MICAL3: variants seen among roughly 807,000 people sequenced by gnomAD.
MICAL3 encodes the protein [F-actin]-monooxygenase MICAL3.
MICAL3 carries 62 observed loss-of-function variants against 207.4 expected under a neutral mutation model. The ratio of observed to expected loss-of-function variants is 0.30; its 90% CI spans 0.24 to 0.37. MICAL3 has a LOEUF of 0.37. MICAL3 is among the 10% of genes least tolerant of loss of function. The pLI is 1.00. For missense variants in MICAL3, 2,368 were observed against 2,635.6 expected (o/e 0.90, Z 2.22); for synonymous variants, 1,077 against 1,069.3 (o/e 1.01, Z -0.14).
chr22:18,004,073 G>T (rs1291536827), intron 1 of MICAL3, among the ~76,000 whole-genome samples: 3 of 150,796 alleles, frequency 2.0e-5, no homozygotes, highest in Non-Finnish European at 4.4e-5. Context: ...TGGCCCCTGG[G>T]ATAGCCTTTC....
intron 1 of MICAL3, among the ~76,000 whole-genome samples, chr22:17,955,568 G>A (rs1446955743): frequency 6.6e-6 from 1 of 152,198 alleles, no homozygotes; most frequent in Non-Finnish European, 1.5e-5. Context: ...GAGAACCACT[G>A]AAAAGCCAAG....
chr22:17,826,125 A>T (rs1425667841), intron 22 of MICAL3, among the ~76,000 whole-genome samples: 1 of 152,198 alleles, frequency 6.6e-6, no homozygotes, highest in Admixed American at 6.5e-5. Context: ...CTCAATCGGT[A>T]ACCACCTCAT....
intron 28 of MICAL3, among the ~76,000 whole-genome samples, chr22:17,809,624 C>T (rs1454714477): frequency 4.6e-5 from 7 of 151,176 alleles, no homozygotes; most frequent in Non-Finnish European, 8.9e-5. Context: ...AGTGAGACTC[C>T]GTCTCAAACA....
intron 25 of MICAL3, among the ~76,000 whole-genome samples, chr22:17,820,951 C>A (rs1301612754): frequency 1.4e-5 from 2 of 139,678 alleles, no homozygotes; most frequent in Non-Finnish European, 3.1e-5. Context: ...TGTTTATAAA[C>A]ATAAATTTTA....
At chr22:17,849,890 A>G (rs1925107381) in intron 19 of MICAL3, among the ~76,000 whole-genome samples, 1 of 144,666 alleles carries the variant, frequency 6.9e-6, no homozygotes, top group Middle Eastern at 4.2e-3. Flanking sequence ...GACGGGTTTC[A>G]CTATGTTGGC....
Position 17,788,567 on chromosome 22 carries a change from C to A in MICAL3, c.*2165G>T, listed in dbSNP as rs920555024. 6 of 152,256 alleles carry A rather than the reference C, an allele frequency of 3.9e-5. No homozygotes were observed. Among genetic ancestry groups the A allele is most frequent in the African/African-American group, 1.4e-4 (6 of 41,458 alleles). The allele number at this position is 152,256 out of a possible 1,614,324, so 9.4% of individuals were successfully genotyped here. A position where few individuals can be genotyped will look rare whatever the true frequency, so the allele number is the denominator to read the frequency against. ...CCACGCAGGCAGTGAAGGTCTTTTC[C>A]CACGTCCAATTTTATGGGACGACTG... On this transcript the variant is annotated 3_prime_UTR_variant, in exon 32 of 32. Transcript: ENST00000441493.
chr22:17,993,969 T>G (rs1247665745), intron 1 of MICAL3, among the ~76,000 whole-genome samples: 8 of 152,162 alleles, frequency 5.3e-5, no homozygotes, highest in Admixed American at 5.2e-4. Flanking sequence ...TAGCCCTCTG[T>G]GCCCCACTTC....
chr22:17,792,159 C>T (rs924461718), intron 29 of MICAL3, among the ~76,000 whole-genome samples: 5 of 152,182 alleles, frequency 3.3e-5, no homozygotes, highest in African/African-American at 1.2e-4. Flanking sequence ...ACCAAGCCAC[C>T]CAACGAGAGA....
chr22:17,900,907 T>C lies in MICAL3; in HGVS notation c.782A>G (p.Glu261Gly). Residue 261 changes from glutamate (E) to glycine (G), a missense_variant, in exon 6 of 32, where the codon GAA (glutamate) becomes GGA (glycine). Around this residue, in one of 4 missense-constraint regions of MICAL3, gnomAD observed 400 missense variants for 547.0 expected, o/e 0.73. Transcript: ENST00000441493. This position sits in a 1 kb window ranked among gnomAD's most constrained non-coding sequence, Gnocchi z 4.0. ...TATAAAAGCCACACCACTGATCTCT[T>C]CCACTTTAGCTTCTGCTGTTGTATT... Reference protein sequence around the residue: ...NRNTTAEAKVEEISGVAFIFN... With the variant: ...NRNTTAEAKVGEISGVAFIFN... 6.2e-7 allele frequency: 1 copy of C among 1,614,018 alleles called. No individual in the cohort carries two copies. The highest frequency in any genetic ancestry group is 1.1e-5 in the South Asian group (1 of 91,084).
chr22:17,997,656 A>G (rs1922443140), intron 1 of MICAL3, among the ~76,000 whole-genome samples: 1 of 152,178 alleles, frequency 6.6e-6, no homozygotes. Flanking sequence ...TGGAATCAGA[A>G]AGCCCAGGAT....
intron 19 of MICAL3, among the ~76,000 whole-genome samples, chr22:17,859,427 C>G (rs1404144213): frequency 6.6e-6 from 1 of 152,228 alleles, no homozygotes; most frequent in Non-Finnish European, 1.5e-5. Context: ...CAGCATGAGG[C>G]TAGGCCTGTG....
intron 16 of MICAL3, chr22:17,872,786 C>T (rs760687515): frequency 1.2e-6 from 2 of 1,613,796 alleles, no homozygotes; most frequent in African/African-American, 1.3e-5. Flanking sequence ...GTTGTTCTTT[C>T]CTTTGAAGCT....
At chr22:17,791,406 CG>C in intron 29 of MICAL3, 105 bp from the exon 30 acceptor site, 3 of 997,148 alleles carry the variant, frequency 3.0e-6, no homozygotes, top group Admixed American at 4.1e-5. Context: ...AAGATGCTGC[CG>C]GAACTTCCAC....
chr22:18,000,499 C>T (rs541800398), intron 1 of MICAL3, among the ~76,000 whole-genome samples: 36 of 152,358 alleles, frequency 2.4e-4, no homozygotes, highest in Admixed American at 1.2e-3. Flanking sequence ...ACCCCTTCGT[C>T]CCGGCTACCT....
chr22:17,844,750 C>A (rs1043496079), intron 19 of MICAL3, among the ~76,000 whole-genome samples: 7 of 152,196 alleles, frequency 4.6e-5, no homozygotes, highest in Non-Finnish European at 8.8e-5. Context: ...TTCTTCAACA[C>A]CGAGCTCAGG....
At chr22:17,884,169 A>T (rs1426948592) in intron 16 of MICAL3, 2 of 649,716 alleles carry the variant, frequency 3.1e-6, no homozygotes, top group East Asian at 3.3e-5. Context: ...TCCTGCCCTC[A>T]TGAGCTAGGA....
chr22:17,903,216 T>G (rs1462250541), intron 3 of MICAL3, among the ~76,000 whole-genome samples: 1 of 152,206 alleles, frequency 6.6e-6, no homozygotes, highest in Non-Finnish European at 1.5e-5. Flanking sequence ...TCACACATTC[T>G]TATAAGGCAA....
At chr22:17,832,854 C>T (rs756067980) in intron 20 of MICAL3, among the ~76,000 whole-genome samples, 10 of 152,130 alleles carry the variant, frequency 6.6e-5, no homozygotes, top group Non-Finnish European at 1.5e-4. Flanking sequence ...AACCCTACCA[C>T]GTGCCAATCC....
At chr22:17,970,827 T>C (rs1454959996) in intron 1 of MICAL3, among the ~76,000 whole-genome samples, 1 of 152,184 alleles carries the variant, frequency 6.6e-6, no homozygotes, top group Non-Finnish European at 1.5e-5. Flanking sequence ...TGTCCTTGAT[T>C]TCAGCACCCC....
Sources: gnomAD v4.1 joint callset for allele counts (sites outside exome capture counted in the v4.1 genomes callset) on GRCh38, gnomAD v4.1.1 for gene constraint, gnomAD v4.1.1 regional missense constraint, Gnocchi (gnomAD v3.1) non-coding constraint, MANE v1.5 for transcripts, NCBI Gene and HGNC (gene_info 2026-07-23, HGNC 2026-07-21) for gene names.